The following UVRAG variants were observed in gnomAD, a reference collection of about 807,000 sequenced individuals.
UVRAG encodes UV radiation resistance associated.
In UVRAG, 19 loss-of-function variants were observed where a neutral mutation model predicts 78.0. The ratio of observed to expected loss-of-function variants is 0.24; its 90% CI spans 0.17 to 0.36. The LOEUF is 0.36. Among genes scored for constraint, UVRAG ranks in the 10% least tolerant of loss-of-function variants. The pLI is 1.00. For missense variants in UVRAG, 740 were observed against 853.8 expected (o/e 0.87, Z 1.66); for synonymous variants, 323 against 324.6 (o/e 1.00, Z 0.05).
At chr11:76,113,742 G>A (rs534591923) in intron 13 of UVRAG, among the ~76,000 whole-genome samples, 4 of 152,222 alleles carry the variant, frequency 2.6e-5, no homozygotes, top group African/African-American at 9.6e-5. Flanking sequence ...CTTTGGGCAG[G>A]ATGCTCTTGT....
chr11:75,893,273 A>G (rs915095066), intron 5 of UVRAG, among the ~76,000 whole-genome samples: 2 of 152,130 alleles, frequency 1.3e-5, no homozygotes, highest in Non-Finnish European at 2.9e-5. Flanking sequence ...ATAGAAACAC[A>G]AAGAAGTGGG....
At chr11:76,054,348 G>C (rs1239890057) in intron 12 of UVRAG, among the ~76,000 whole-genome samples, 1 of 152,142 alleles carries the variant, frequency 6.6e-6, no homozygotes, top group Non-Finnish European at 1.5e-5. Context: ...TCAAACCGCT[G>C]TCTTCTCTTG....
chr11:75,873,113 C>T (rs1433694731), intron 3 of UVRAG, among the ~76,000 whole-genome samples: 1 of 152,198 alleles, frequency 6.6e-6, no homozygotes, highest in African/African-American at 2.4e-5. Flanking sequence ...CATCAGTGAA[C>T]ACACAGCTTT....
At chr11:75,981,452 G>T (rs562442842) in intron 7 of UVRAG, among the ~76,000 whole-genome samples, 1 of 146,710 alleles carries the variant, frequency 6.8e-6, no homozygotes, top group Non-Finnish European at 1.5e-5. Context: ...TTTTCTTTTC[G>T]TTTTTTTTTT....
At chr11:75,924,183 G>A (rs746768268) in intron 6 of UVRAG, among the ~76,000 whole-genome samples, 5 of 151,964 alleles carry the variant, frequency 3.3e-5, no homozygotes, top group African/African-American at 4.8e-5. Context: ...TAATCCTGTT[G>A]GATAATAACT....
chr11:75,911,930 A>G, intron 5 of UVRAG, 24 bp from the exon 6 acceptor site: 11 of 1,502,076 alleles, frequency 7.3e-6, no homozygotes, highest in Non-Finnish European at 1.0e-5. Flanking sequence ...GGTTTTGATT[A>G]ATTTGTTGGT....
chr11:76,052,442 CCTCT>C (rs976174470), intron 12 of UVRAG, among the ~76,000 whole-genome samples: 18 of 152,286 alleles, frequency 1.2e-4, no homozygotes, highest in African/African-American at 3.4e-4. Flanking sequence ...GCTGAGCTCC[CCTCT>C]CTCTATGCCA....
chr11:75,816,192 T>C (rs1312692916), intron 1 of UVRAG, among the ~76,000 whole-genome samples: 1 of 152,208 alleles, frequency 6.6e-6, no homozygotes, highest in Non-Finnish European at 1.5e-5. Context: ...GGATTTGATG[T>C]ATATATTCAT....
At chr11:76,037,797 G>T (rs1464702590) in intron 12 of UVRAG, among the ~76,000 whole-genome samples, 1 of 152,096 alleles carries the variant, frequency 6.6e-6, no homozygotes, top group Non-Finnish European at 1.5e-5. Context: ...AGTGTAAATG[G>T]TAGGCAGAAT....
At chr11:76,017,989 T>C (rs1950179085) in intron 12 of UVRAG, among the ~76,000 whole-genome samples, 1 of 152,140 alleles carries the variant, frequency 6.6e-6, no homozygotes. Context: ...GATGTATTTC[T>C]AAATTCATTT....
intron 1 of UVRAG, among the ~76,000 whole-genome samples, chr11:75,847,303 T>A (rs1054998742): frequency 1.1e-4 from 17 of 149,826 alleles, no homozygotes; most frequent in African/African-American, 3.8e-4. Flanking sequence ...AACTTTTGTA[T>A]CTTTAGTAGA....
intron 8 of UVRAG, among the ~76,000 whole-genome samples, chr11:75,987,228 G>A (rs1411186134): frequency 6.6e-6 from 1 of 152,092 alleles, no homozygotes; most frequent in Non-Finnish European, 1.5e-5. Flanking sequence ...CAATATATGA[G>A]GGTTCCAATC....
chr11:75,954,102 C>T (rs1388926840), intron 6 of UVRAG, among the ~76,000 whole-genome samples: 1 of 152,090 alleles, frequency 6.6e-6, no homozygotes, highest in Non-Finnish European at 1.5e-5. Flanking sequence ...CTAAATACTT[C>T]AAACTTTTAT....
At chr11:76,018,280 T>G (rs1950182673) in intron 12 of UVRAG, among the ~76,000 whole-genome samples, 2 of 152,048 alleles carry the variant, frequency 1.3e-5, no homozygotes, top group Non-Finnish European at 2.9e-5. Flanking sequence ...TAAAGTCTGC[T>G]GCCAGATGAA....
chr11:75,887,521 C>G (rs547416568), intron 4 of UVRAG, among the ~76,000 whole-genome samples: 2 of 149,368 alleles, frequency 1.3e-5, no homozygotes, highest in East Asian at 4.0e-4. Context: ...AATCTCGGCT[C>G]TCTGCAAGCT....
intron 9 of UVRAG, among the ~76,000 whole-genome samples, chr11:76,006,186 T>A (rs1259836465): frequency 6.6e-6 from 1 of 152,156 alleles, no homozygotes; most frequent in Middle Eastern, 3.2e-3. Flanking sequence ...CTCAGGAAAT[T>A]CCAAGGTTTT....
intron 1 of UVRAG, among the ~76,000 whole-genome samples, chr11:75,841,232 G>A (rs925911438): frequency 6.6e-6 from 1 of 152,120 alleles, no homozygotes; most frequent in African/African-American, 2.4e-5. Flanking sequence ...CATTTCCAAA[G>A]GCAAATACTA....
At chr11:76,087,794 C>T (rs970623611) in intron 13 of UVRAG, among the ~76,000 whole-genome samples, 12 of 152,194 alleles carry the variant, frequency 7.9e-5, no homozygotes, top group African/African-American at 1.4e-4. Context: ...GTTACTACAG[C>T]GGGCCTGATT....
intron 13 of UVRAG, among the ~76,000 whole-genome samples, chr11:76,071,319 G>T (rs186725114): frequency 1.2e-3 from 190 of 152,280 alleles, no homozygotes; most frequent in Non-Finnish European, 2.0e-3. Flanking sequence ...GTTCCTGAAG[G>T]TCATGGGAAT....
Sources: allele counts gnomAD v4.1 joint callset (sites outside exome capture counted in the v4.1 genomes callset), GRCh38; gene constraint gnomAD v4.1.1; transcripts MANE v1.5; gene names NCBI Gene and HGNC (gene_info 2026-07-23, HGNC 2026-07-21).